OGFOD1: variants seen among roughly 807,000 people sequenced by gnomAD.
OGFOD1 encodes the protein prolyl 3-hydroxylase OGFOD1.
A neutral mutation model predicts 67.7 loss-of-function variants in OGFOD1; 54 were observed. The ratio of observed to expected loss-of-function variants is 0.80; its 90% CI spans 0.64 to 1.00. The LOEUF (loss-of-function observed/expected upper bound fraction) is 1.00, where lower values mean the gene tolerates loss of function less well. Among genes scored for constraint, OGFOD1 ranks in the 50% least tolerant of loss-of-function variants. The pLI is 0.00. For missense variants in OGFOD1, 606 were observed against 646.7 expected (o/e 0.94, Z 0.68); for synonymous variants, 221 against 227.0 (o/e 0.97, Z 0.24).
At position 56,451,774 on chromosome 16, in the gene OGFOD1, G is replaced by C. The variant is rs769833751; in HGVS notation, c.154+8G>C. 1 of 1,611,746 alleles carries C rather than the reference G, an allele frequency of 6.2e-7. No individual in the cohort carries two copies. Among genetic ancestry groups the C allele is most frequent in the African/African-American group, 1.3e-5 (1 of 74,844 alleles). ...GGACGCCGTTCAGTCACGGTAACCG[G>C]GTGCTCTCAGGGAGGGGCCGCCACG... On this transcript the variant is annotated splice_region_variant and intron_variant, in intron 1 of 12. Coordinates refer to ENST00000566157, the MANE Select transcript of OGFOD1 (RefSeq NM_018233.4).
intron 6 of OGFOD1, 61 bp downstream of exon 6, chr16:56,467,028 C>T: frequency 6.5e-7 from 1 of 1,535,028 alleles, no homozygotes; most frequent in Non-Finnish European, 9.0e-7. Flanking sequence ...ACCCATTATC[C>T]AAACATGACA....
Position 56,476,235 on chromosome 16 carries a change from G to C in OGFOD1, c.*30G>C. 6.3e-7 allele frequency: 1 copy of C among 1,595,664 alleles called. No individual in the cohort carries two copies. The highest frequency in any genetic ancestry group is 8.5e-7 in the Non-Finnish European group (1 of 1,173,688). ...ACTGGGCAAAGCTGAACAAAAATGT[G>C]ACCCTTCGTAATTACTGGGAAGTCT... On this transcript the variant is annotated 3_prime_UTR_variant, in exon 13 of 13. Transcript: ENST00000566157.
rs1339489946 is a variant in OGFOD1 at position 56,467,162 on chromosome 16, C to G, written c.658-3C>G. On this transcript the variant is annotated splice_region_variant and splice_polypyrimidine_tract_variant and intron_variant, in intron 6 of 12. Coordinates refer to ENST00000566157, the MANE Select transcript of OGFOD1 (RefSeq NM_018233.4). ...TGATGTGCTACTGGGCTTCTCCTTT[C>G]AGGTGTCTGAAGTGCTGTCTGAAGA... 4 of 1,614,016 alleles carry G rather than the reference C, an allele frequency of 2.5e-6. No homozygotes were observed. The Admixed American group carries it at 6.7e-5, about 27-fold the overall frequency.
chr16:56,475,592 C>G, intron 12 of OGFOD1, 27 bp downstream of exon 12: 1 of 1,601,890 alleles, frequency 6.2e-7, no homozygotes, highest in Non-Finnish European at 8.6e-7. Flanking sequence ...AGCAAACTAT[C>G]ATTTTTAGTT....
At chr16:56,471,602 TG>T (rs1217644731) in intron 10 of OGFOD1, among the ~76,000 whole-genome samples, 1 of 152,238 alleles carries the variant, frequency 6.6e-6, no homozygotes, top group Non-Finnish European at 1.5e-5. Context: ...TACCATTCCC[TG>T]CTTCCACTCA....
rs535053365 is a variant in OGFOD1, at chr16:56,466,888, C to T, written c.578C>T (p.Pro193Leu). ...DLYSIDEHFQ[P>L]KQIVKSLIPS... ...TTTCCTGGTGCAGAACACTTTCAGC[C>T]GAAGCAGATTGTCAAGTCTCTTATC... is the stretch of plus-strand genomic sequence containing the variant. Residue 193 changes from proline to leucine, a missense_variant, in exon 6 of 13, where the codon CCG (proline) becomes CTG (leucine). By Grantham distance (98) the Pro-to-Leu change is moderately conservative. Transcript: ENST00000566157. 6.2e-6 allele frequency: 10 copies of T among 1,612,792 alleles called. No individual in the cohort carries two copies. Among genetic ancestry groups the T allele is most frequent in the Middle Eastern group, 1.7e-4 (1 of 6,058 alleles).
intron 1 of OGFOD1, chr16:56,452,221 C>T (rs1402778809): frequency 6.3e-6 from 1 of 158,948 alleles, no homozygotes; most frequent in African/African-American, 2.4e-5. Flanking sequence ...CTGAGTAAGG[C>T]CCAATACACA....
chr16:56,453,363 C>T lies in OGFOD1; in HGVS notation c.255C>T (p.Asn85=), dbSNP rs1962406773. The T allele has an allele frequency of 6.2e-7, 1 of 1,613,826 alleles. No individual in the cohort carries two copies. The highest frequency in any genetic ancestry group is 1.1e-5 in the South Asian group (1 of 91,052). Residue 85 remains asparagine (N), a synonymous_variant, in exon 2 of 13, where the codon AAC becomes AAT. Coordinates refer to ENST00000566157, the MANE Select transcript of OGFOD1 (RefSeq NM_018233.4). ...AAGGGCTTCAGAAGGAACTGATGAA[C>T]TTGGACTTCCATGAGAAGTATAATG... ...FLEGLQKELM[N]LDFHEKYNDL...
Position 56,466,898 on chromosome 16 carries a change from T to C in OGFOD1, c.588T>C (p.Ile196=), listed in dbSNP as rs773627207. Reference sequence around the variant, plus strand: ...CAGAACACTTTCAGCCGAAGCAGATTGTCAAGTCTCTTATCCCTTCGTGGA... The same window carrying C: ...CAGAACACTTTCAGCCGAAGCAGATCGTCAAGTCTCTTATCCCTTCGTGGA... The part of the protein sequence containing the change: ...SIDEHFQPKQ[I]VKSLIPSWNK... The change falls in exon 6 of 13, where the codon ATT becomes ATC. Residue 196 remains isoleucine (I), a synonymous_variant. Coordinates refer to ENST00000566157, the MANE Select transcript of OGFOD1 (RefSeq NM_018233.4). The C allele has an allele frequency of 3.5e-5, 57 of 1,613,776 alleles. 1 individual carries two copies. The South Asian group carries it at 5.9e-4, about 17-fold the overall frequency.
Position 56,476,549 on chromosome 16 carries a change from T to C in OGFOD1, c.*344T>C, listed in dbSNP as rs569859877. 71 of 166,558 alleles carry C rather than the reference T, an allele frequency of 4.3e-4. No homozygotes were observed. Among genetic ancestry groups the C allele is most frequent in the Admixed American group, 6.3e-4 (10 of 15,806 alleles). 10.3% of individuals were successfully genotyped at this position (166,558 alleles called of 1,614,324 possible). A position where few individuals can be genotyped will look rare whatever the true frequency, so the allele number is the denominator to read the frequency against. Reference sequence around the variant, plus strand: ...TGACCAGCTTACCCATTTTTAAATATGCAATTCAGTGGATTAAGTACATTC... The same window carrying C: ...TGACCAGCTTACCCATTTTTAAATACGCAATTCAGTGGATTAAGTACATTC... On this transcript the variant is annotated 3_prime_UTR_variant, in exon 13 of 13. Transcript: ENST00000566157.
Position 56,478,482 on chromosome 16 carries a change from A to G in OGFOD1, c.*2277A>G, listed in dbSNP as rs1359962226. ...TGCCTTTTCTATATTCCAGCTGACT[A>G]AAGGTCATCTCACTCACTTGCCTTC... is the stretch of plus-strand genomic sequence containing the variant. On this transcript the variant is annotated 3_prime_UTR_variant, in exon 13 of 13. Transcript: ENST00000566157. The G allele has an allele frequency of 6.6e-6, 1 of 152,318 alleles. No homozygotes were observed. The highest frequency in any genetic ancestry group is 1.9e-4 in the East Asian group (1 of 5,190). The allele number at this position is 152,318 out of a possible 1,614,324, so 9.4% of individuals were successfully genotyped here. A position where few individuals can be genotyped will look rare whatever the true frequency, so the allele number is the denominator to read the frequency against.
chr16:56,459,106 C>T (rs1405294858), intron 3 of OGFOD1, among the ~76,000 whole-genome samples: 3 of 152,008 alleles, frequency 2.0e-5, no homozygotes, highest in Admixed American at 6.6e-5. Flanking sequence ...TTTGGGAGGC[C>T]GAGGCGGGTG....
In OGFOD1 at chr16:56,476,481, T is replaced by A. The variant is rs1963482995; in HGVS notation, c.*276T>A. 1 of 252,140 alleles carries A rather than the reference T, an allele frequency of 4.0e-6. No individual in the cohort carries two copies. The highest frequency in any genetic ancestry group is 7.4e-6 in the Non-Finnish European group (1 of 134,756). 15.6% of individuals were successfully genotyped at this position (252,140 alleles called of 1,614,324 possible). On this transcript the variant is annotated 3_prime_UTR_variant, in exon 13 of 13. Transcript: ENST00000566157. ...TTGGCTTCTTCAGTGAATTTTTAAGTTCAATTTGTTTTTATTGAGGTAAAA... is the reference window on the plus strand; with the variant it reads ...TTGGCTTCTTCAGTGAATTTTTAAGATCAATTTGTTTTTATTGAGGTAAAA...
intron 7 of OGFOD1, 42 bp from the exon 8 acceptor site, chr16:56,467,863 G>A (rs113263807): frequency 1.1e-6 from 1 of 908,900 alleles, no homozygotes; most frequent in Non-Finnish European, 1.9e-6. Context: ...AAAGCAATAG[G>A]AATTATTAAC....
rs1198248702 is a variant in OGFOD1, at chr16:56,477,497, G to A, written c.*1292G>A. Reference sequence around the variant, plus strand: ...TATAATTAAATGATTTTAGCCTCACGTGTTGCTTCTGTTTTCCTAAATACT... The same window carrying A: ...TATAATTAAATGATTTTAGCCTCACATGTTGCTTCTGTTTTCCTAAATACT... On this transcript the variant is annotated 3_prime_UTR_variant, in exon 13 of 13. Transcript: ENST00000566157. The A allele has an allele frequency of 3.3e-5, 5 of 152,184 alleles. No homozygotes were observed. The highest frequency in any genetic ancestry group is 5.9e-5 in the Non-Finnish European group (4 of 68,042). 9.4% of individuals were successfully genotyped at this position (152,184 alleles called of 1,614,324 possible). A position where few individuals can be genotyped will look rare whatever the true frequency, so the allele number is the denominator to read the frequency against.
intron 4 of OGFOD1, 31 bp from the exon 5 acceptor site, chr16:56,466,121 G>A (rs1279916578): frequency 6.6e-7 from 1 of 1,510,232 alleles, no homozygotes; most frequent in Middle Eastern, 1.8e-4. Flanking sequence ...ACTATCTGCA[G>A]GGATCTAAGG....
At chr16:56,458,150 A>T (rs1447588312) in intron 2 of OGFOD1, 1 of 215,818 alleles carries the variant, frequency 4.6e-6, no homozygotes, top group Non-Finnish European at 9.3e-6. Context: ...CACCTCCCTG[A>T]AGTCTACCTT....
At chr16:56,470,168 AGG>A in intron 9 of OGFOD1, 86 bp downstream of exon 9, 1 of 1,196,260 alleles carries the variant, frequency 8.4e-7, no homozygotes, top group Non-Finnish European at 1.2e-6. Flanking sequence ...AAAAGCCTAA[AGG>A]AAAAATAGAC....
chr16:56,458,738 T>C, intron 3 of OGFOD1, 144 bp downstream of exon 3: 3 of 682,560 alleles, frequency 4.4e-6, no homozygotes, highest in Admixed American at 5.3e-5. Context: ...GACCGAGAAA[T>C]TGAGTTTGCA....
Sources: allele counts gnomAD v4.1 joint callset (sites outside exome capture counted in the v4.1 genomes callset), GRCh38; gene constraint gnomAD v4.1.1; transcripts MANE v1.5; gene names NCBI Gene and HGNC (gene_info 2026-07-23, HGNC 2026-07-21).